The following PHF14 variants were observed in gnomAD, a reference collection of about 807,000 sequenced individuals.
PHF14 encodes PHD finger protein 14.
In PHF14, 55 loss-of-function variants were observed where a neutral mutation model predicts 117.9. The ratio of observed to expected loss-of-function variants is 0.47; its 90% confidence interval spans 0.38 to 0.58. The LOEUF (loss-of-function observed/expected upper bound fraction) is 0.58. Ranked by LOEUF, PHF14 falls within the 20% of genes least tolerant of loss-of-function variation. The pLI is 0.00. For synonymous variants in PHF14, 409 were observed against 368.6 expected, an observed-to-expected ratio of 1.11 and a Z score of -1.26; for missense variants, 978 against 1,122.2, an observed-to-expected ratio of 0.87 and a Z score of 1.84.
At chr7:11,112,392 T>TGTG in intron 17 of PHF14, among the ~76,000 whole-genome samples, 2 of 152,352 alleles carry the variant, frequency 1.3e-5, no homozygotes, top group South Asian at 4.1e-4. Context: ...AGAGGCCTTC[T>TGTG]GCAAAAGTTT....
intron 4 of PHF14, among the ~76,000 whole-genome samples, chr7:11,002,878 G>A (rs943416450): frequency 1.3e-5 from 2 of 152,210 alleles, no homozygotes; most frequent in South Asian, 4.1e-4. Flanking sequence ...GCAGATGGAA[G>A]CTTGGGTAGT....
intron 5 of PHF14, among the ~76,000 whole-genome samples, chr7:11,020,451 C>T (rs1457097202): frequency 6.6e-6 from 1 of 152,070 alleles, no homozygotes; most frequent in Non-Finnish European, 1.5e-5. Flanking sequence ...GATCTTGGCT[C>T]ATTGTAAACC....
At chr7:11,090,579 T>C (rs1786604922) in intron 16 of PHF14, among the ~76,000 whole-genome samples, 1 of 152,236 alleles carries the variant, frequency 6.6e-6, no homozygotes, top group African/African-American at 2.4e-5. Context: ...ATGTAGAGCA[T>C]TGAGCACGTT....
intron 4 of PHF14, among the ~76,000 whole-genome samples, chr7:11,008,511 A>G (rs1408756327): frequency 1.3e-5 from 2 of 152,118 alleles, no homozygotes; most frequent in Non-Finnish European, 2.9e-5. Context: ...TGAACTGCAC[A>G]TATGAGGGAT....
intron 16 of PHF14, among the ~76,000 whole-genome samples, chr7:11,081,518 A>G (rs1412201322): frequency 1.3e-5 from 2 of 152,164 alleles, no homozygotes; most frequent in African/African-American, 2.4e-5. Flanking sequence ...TAAAAAGAGT[A>G]TTTCCTGTGT....
intron 16 of PHF14, chr7:11,107,782 GT>G: frequency 1.1e-6 from 1 of 871,318 alleles, no homozygotes; most frequent in Non-Finnish European, 1.4e-6. Context: ...TTCTGAAAAA[GT>G]TTTTTAAAAC....
chr7:11,119,914 T>A (rs971168922), intron 17 of PHF14, among the ~76,000 whole-genome samples: 2 of 151,944 alleles, frequency 1.3e-5, no homozygotes, highest in African/African-American at 4.8e-5. Context: ...CTAGGTGTGA[T>A]AAGTTGTAAA....
intron 8 of PHF14, 52 bp from the exon 9 acceptor site, chr7:11,036,366 G>T: frequency 7.1e-7 from 1 of 1,398,934 alleles, no homozygotes; most frequent in South Asian, 1.3e-5. Flanking sequence ...AAATCTTAAG[G>T]AACATGTTTC....
chr7:11,024,020 G>C (rs1783825906), intron 6 of PHF14, among the ~76,000 whole-genome samples: 1 of 152,180 alleles, frequency 6.6e-6, no homozygotes, highest in Non-Finnish European at 1.5e-5. Context: ...CAGTATGTCA[G>C]TGCAAAGGAA....
chr7:11,037,793 C>T (rs1784361400), intron 10 of PHF14, among the ~76,000 whole-genome samples: 2 of 152,234 alleles, frequency 1.3e-5, no homozygotes, highest in African/African-American at 4.8e-5. Flanking sequence ...TTCCAATAAT[C>T]AGCTACACTG....
intron 5 of PHF14, among the ~76,000 whole-genome samples, chr7:11,022,527 A>C (rs866202352): frequency 1.3e-5 from 2 of 152,114 alleles, no homozygotes; most frequent in Non-Finnish European, 2.9e-5. Context: ...TATGAAAATG[A>C]TGTTTTGTTT....
chr7:11,134,452 CTTTTA>C (rs1562481207), intron 17 of PHF14, among the ~76,000 whole-genome samples: 1 of 151,884 alleles, frequency 6.6e-6, no homozygotes, highest in African/African-American at 2.4e-5. Flanking sequence ...AATTTTTGCT[CTTTTA>C]TTTTTAGATT....
chr7:11,052,254 A>C (rs1583414853), intron 14 of PHF14, among the ~76,000 whole-genome samples: 1 of 152,306 alleles, frequency 6.6e-6, no homozygotes, highest in East Asian at 1.9e-4. Context: ...TTTCTCTGGT[A>C]ATTTGATATT....
At chr7:11,162,374 G>C (rs1299896040) in intron 17 of PHF14, among the ~76,000 whole-genome samples, 1 of 152,046 alleles carries the variant, frequency 6.6e-6, no homozygotes, top group Admixed American at 6.5e-5. Context: ...ACAGGTGTGA[G>C]CCATGGCGCC....
At chr7:11,156,391 G>A (rs543613838) in intron 17 of PHF14, among the ~76,000 whole-genome samples, 114 of 152,244 alleles carry the variant, frequency 7.5e-4, no homozygotes, top group Non-Finnish European at 1.2e-3. Context: ...GAGCTATTAC[G>A]TTCCAATAAA....
rs190229714 is a variant in PHF14, at chr7:10,992,142, C to A, written c.1045+1295C>A. 5.0e-3 allele frequency among the ~76,000 whole-genome samples: 765 copies of A among 151,790 alleles called. 3 individuals are homozygous for A. The highest frequency in any genetic ancestry group is 0.017 in the African/African-American group (722 of 41,484). On this transcript the variant is annotated intron_variant, in intron 4 of 17. Coordinates refer to ENST00000634607, the MANE Select transcript of PHF14 (RefSeq NM_001007157.2). ...AATCTCAGGTCACTGCAACCTCTGC[C>A]TCCCAGGTTCAAGCGATTCTCCTGC...
At chr7:10,991,736 TTTTTTAA>T (rs1782459397) in intron 4 of PHF14, among the ~76,000 whole-genome samples, 2 of 133,486 alleles carry the variant, frequency 1.5e-5, no homozygotes, top group Non-Finnish European at 3.1e-5. Flanking sequence ...TTGTTTGTTT[TTTTTTAA>T]TTTTTTAATT....
intron 5 of PHF14, among the ~76,000 whole-genome samples, chr7:11,020,385 CT>C (rs1327979338): frequency 6.6e-6 from 1 of 151,730 alleles, no homozygotes; most frequent in Non-Finnish European, 1.5e-5. Context: ...CCAATTTTTT[CT>C]TTTTTTCTGG....
chr7:11,014,736 A>G (rs1350303160), intron 5 of PHF14, among the ~76,000 whole-genome samples: 1 of 152,182 alleles, frequency 6.6e-6, no homozygotes, highest in Non-Finnish European at 1.5e-5. Flanking sequence ...TGCTGAAGAA[A>G]TTCTGTCCAT....
Sources: gnomAD v4.1 joint callset for allele counts (sites outside exome capture counted in the v4.1 genomes callset) on GRCh38, gnomAD v4.1.1 for gene constraint, MANE v1.5 for transcripts, NCBI Gene and HGNC (gene_info 2026-07-23, HGNC 2026-07-21) for gene names.